RIGI: variants seen among roughly 807,000 people sequenced by gnomAD.
The protein encoded by RIGI is RNA sensor RIG-I.
the RIGI span, among the ~76,000 whole-genome samples, chr9:32,467,088 G>A: frequency 1.3e-5 from 2 of 152,192 alleles, no homozygotes; most frequent in South Asian, 4.1e-4. Context: ...TATGGAGGCA[G>A]GGGAAGAGGT....
chr9:32,465,771 T>TA, the RIGI span, among the ~76,000 whole-genome samples: 1 of 152,174 alleles, frequency 6.6e-6, no homozygotes, highest in Non-Finnish European at 1.5e-5. Context: ...GGAGAAAGTA[T>TA]GGGTATGTGT....
chr9:32,495,213 A>G, the RIGI span, among the ~76,000 whole-genome samples: 1 of 151,718 alleles, frequency 6.6e-6, no homozygotes, highest in Non-Finnish European at 1.5e-5. Flanking sequence ...ATTTTATTTT[A>G]TTTTTTGAGG....
chr9:32,471,683 G>C, the RIGI span, among the ~76,000 whole-genome samples: 1 of 152,166 alleles, frequency 6.6e-6, no homozygotes, highest in Non-Finnish European at 1.5e-5. Context: ...AATAAATGTT[G>C]TTGAATGAAC....
chr9:32,490,305 G>A, the RIGI span, among the ~76,000 whole-genome samples: 4 of 152,270 alleles, frequency 2.6e-5, no homozygotes, highest in Middle Eastern at 3.4e-3. Context: ...TGAACCCAAG[G>A]TTGCAGTGAG....
the RIGI span, among the ~76,000 whole-genome samples, chr9:32,525,142 A>G: frequency 6.6e-6 from 1 of 152,136 alleles, no homozygotes; most frequent in South Asian, 2.1e-4. Context: ...CCTTCTCGCT[A>G]TCTCTTTTGC....
At chr9:32,457,078 T>C in the RIGI span, 3 of 1,498,884 alleles carry the variant, frequency 2.0e-6, no homozygotes, top group Non-Finnish European at 2.8e-6. Flanking sequence ...TCTTCTCCAC[T>C]CAAAGTTACT....
the RIGI span, among the ~76,000 whole-genome samples, chr9:32,472,767 C>T: frequency 6.6e-6 from 1 of 152,210 alleles, no homozygotes; most frequent in Admixed American, 6.5e-5. Context: ...ATACAACACA[C>T]ACCTCTCATA....
the RIGI span, among the ~76,000 whole-genome samples, chr9:32,500,288 A>G: frequency 6.6e-6 from 1 of 152,220 alleles, no homozygotes; most frequent in Non-Finnish European, 1.5e-5. Context: ...TATTAGAATT[A>G]TATTGAATAT....
At chr9:32,488,641 A>C in the RIGI span, 1 of 1,301,430 alleles carries the variant, frequency 7.7e-7, no homozygotes. Flanking sequence ...ATCTAATATA[A>C]ATTTTTTTAA....
the RIGI span, among the ~76,000 whole-genome samples, chr9:32,524,972 C>G: frequency 2.5e-4 from 38 of 152,154 alleles, no homozygotes; most frequent in Non-Finnish European, 2.4e-4. Context: ...AGCACCTGGG[C>G]AAACTCACAC....
At chr9:32,459,047 C>A in the RIGI span, among the ~76,000 whole-genome samples, 1 of 152,062 alleles carries the variant, frequency 6.6e-6, no homozygotes, top group East Asian at 1.9e-4. Context: ...TGCCACTACG[C>A]CCAGCTAACT....
chr9:32,471,681 T>C, the RIGI span, among the ~76,000 whole-genome samples: 1 of 152,192 alleles, frequency 6.6e-6, no homozygotes, highest in South Asian at 2.1e-4. Flanking sequence ...TAAATAAATG[T>C]TGTTGAATGA....
the RIGI span, chr9:32,473,054 AT>A: frequency 6.2e-7 from 1 of 1,606,364 alleles, no homozygotes; most frequent in South Asian, 1.1e-5. Flanking sequence ...CTTCAATCCA[AT>A]TTTTTAAAGC....
the RIGI span, among the ~76,000 whole-genome samples, chr9:32,472,077 G>A: frequency 2.0e-5 from 3 of 152,164 alleles, no homozygotes; most frequent in African/African-American, 7.2e-5. Flanking sequence ...GATCCTCCCA[G>A]ATAATAACAC....
the RIGI span, chr9:32,488,011 C>T: frequency 1.0e-4 from 168 of 1,613,906 alleles, no homozygotes; most frequent in South Asian, 3.1e-4. Flanking sequence ...TCATATTGTA[C>T]GGGTGTTGTT....
the RIGI span, among the ~76,000 whole-genome samples, chr9:32,505,105 T>C: frequency 4.1e-5 from 6 of 146,326 alleles, no homozygotes; most frequent in Middle Eastern, 3.6e-3. Flanking sequence ...ACAATATATA[T>C]GTCACAATTA....
the RIGI span, chr9:32,473,004 G>A: frequency 6.2e-7 from 1 of 1,610,078 alleles, no homozygotes; most frequent in Non-Finnish European, 8.5e-7. Context: ...GCCACGTCCA[G>A]TCAATATGCC....
chr9:32,502,028 C>T, the RIGI span, among the ~76,000 whole-genome samples: 1 of 152,184 alleles, frequency 6.6e-6, no homozygotes, highest in Non-Finnish European at 1.5e-5. Flanking sequence ...CCCTACTCTC[C>T]CTCTCCTTAG....
At chr9:32,508,503 A>T in the RIGI span, among the ~76,000 whole-genome samples, 1 of 151,896 alleles carries the variant, frequency 6.6e-6, no homozygotes, top group Non-Finnish European at 1.5e-5. Context: ...GGGGTCTGGG[A>T]ACTCCCTCCC....
Sources: allele counts gnomAD v4.1 joint callset (sites outside exome capture counted in the v4.1 genomes callset), GRCh38; gene constraint gnomAD v4.1.1; transcripts MANE v1.5; gene names NCBI Gene and HGNC (gene_info 2026-07-23, HGNC 2026-07-21).